The following ZNF800 variants were observed in gnomAD, a reference collection of about 807,000 sequenced individuals.
ZNF800 encodes zinc finger protein 800.
In ZNF800, 13 loss-of-function variants were observed where a neutral mutation model predicts 59.5. The observed-to-expected ratio is 0.22, with a 90% CI of 0.14 to 0.35. ZNF800 has a LOEUF of 0.35. Among genes scored for constraint, ZNF800 ranks in the 10% least tolerant of loss-of-function variants. The pLI, the probability that ZNF800 is intolerant of heterozygous loss-of-function variation, is 1.00. For missense variants in ZNF800, 621 were observed against 783.7 expected (o/e 0.79, Z 2.48); for synonymous variants, 266 against 265.7 (o/e 1.00, Z -0.01).
At position 127,386,118 on chromosome 7, in the gene ZNF800, C is replaced by A; in HGVS notation, c.99G>T (p.Gln33His). ...ILEPGDPPLL[Q>H]QPLQTSKSGI... is the part of the protein sequence containing the mutation. The stretch of plus-strand genomic sequence containing the variant: ...CAGATTTGGATGTCTGTAGTGGTTG[C>A]TGTAACAAAGGAGGATCTCCAGGTT... The change falls in exon 3 of 6, where the codon CAG (glutamine) becomes CAT (histidine). Residue 33 changes from glutamine (Q) to histidine (H), a missense_variant. Physicochemically the swap from Gln to His is conservative, Grantham distance 24. This residue lies in a region of ZNF800 where 57 missense variants were observed against 77.1 expected (regional missense o/e 0.74). Coordinates refer to ENST00000265827, the MANE Select transcript of ZNF800 (RefSeq NM_176814.5). The A allele has an allele frequency of 6.2e-7, 1 of 1,611,334 alleles. No individual in the cohort carries two copies. Among genetic ancestry groups the A allele is most frequent in the Non-Finnish European group, 8.5e-7 (1 of 1,178,370 alleles).
chr7:127,376,956 C>T (rs536246049), intron 4 of ZNF800, among the ~76,000 whole-genome samples: 246 of 152,064 alleles, frequency 1.6e-3, no homozygotes, highest in Admixed American at 2.9e-3. Flanking sequence ...TATATGTCAT[C>T]TTTAGGAAAA....
At chr7:127,365,949 C>G (rs956116449), downstream of ZNF800, among the ~76,000 whole-genome samples, 2 of 152,116 alleles carry the variant, frequency 1.3e-5, no homozygotes, top group African/African-American at 4.8e-5. Context: ...TGAGCTCTTC[C>G]CTGAGCCAGG....
chr7:127,366,691 T>A (rs1269866754), downstream of ZNF800, among the ~76,000 whole-genome samples: 2 of 152,146 alleles, frequency 1.3e-5, no homozygotes, highest in Admixed American at 6.6e-5. Flanking sequence ...ATTTTAGGAC[T>A]ATGGTCTTTT....
intron 1 of ZNF800, among the ~76,000 whole-genome samples, chr7:127,358,459 A>G (rs1408975801): frequency 1.3e-5 from 2 of 151,922 alleles, no homozygotes; most frequent in African/African-American, 2.4e-5. Context: ...CTCCACTCCA[A>G]TTCAGTCCCC....
Position 127,373,722 on chromosome 7 carries a change from T to C in ZNF800, c.1614A>G (p.Ile538Met), listed in dbSNP as rs1316746606. The C allele has an allele frequency of 1.2e-6, 2 of 1,614,192 alleles. No homozygotes were observed. Among genetic ancestry groups the C allele is most frequent in the South Asian group, 1.1e-5 (1 of 91,086 alleles). Residue 538 changes from isoleucine to methionine, a missense_variant, in exon 5 of 6, where the codon ATA (isoleucine) becomes ATG (methionine). Physicochemically the swap from Ile to Met is conservative, Grantham distance 10 (BLOSUM62 1). This residue lies in a region of ZNF800 where 46 missense variants were observed against 118.4 expected (regional missense o/e 0.39). Coordinates refer to ENST00000265827, the MANE Select transcript of ZNF800 (RefSeq NM_176814.5). ...TRRKRDVIRH[I>M]TVVHKKSSRY... ...GAGATGACTTTTTATGAACCACAGTTATATGTCGTATCACATCACGTTTCC... is the reference window on the plus strand; with the variant it reads ...GAGATGACTTTTTATGAACCACAGTCATATGTCGTATCACATCACGTTTCC...
chr7:127,369,339 T>A (rs528544559), downstream of ZNF800, among the ~76,000 whole-genome samples: 2 of 152,242 alleles, frequency 1.3e-5, no homozygotes, highest in Admixed American at 1.3e-4. Flanking sequence ...TTGTGTGCTG[T>A]AATCCTCACT....
Position 127,373,396 on chromosome 7 carries a change from G to A in ZNF800, c.1940C>T (p.Ser647Leu), listed in dbSNP as rs1049805866. The change falls in exon 5 of 6, where the codon TCA becomes TTA. Residue 647 changes from serine (S) to leucine (L), a missense_variant. By Grantham distance (145) the Ser-to-Leu change is moderately radical. Coordinates refer to ENST00000265827, the MANE Select transcript of ZNF800 (RefSeq NM_176814.5). ...KKTHKANASNSPEGNKTKGRS... is the reference protein window; with the variant it reads ...KKTHKANASNLPEGNKTKGRS... ...GCCTTTGGTTTTGTTTCCTTCAGGT[G>A]AATTGGAAGCATTTGCCTTATGAGT... 1 of 1,612,806 alleles carries A rather than the reference G, an allele frequency of 6.2e-7. No individual in the cohort carries two copies. Among genetic ancestry groups the A allele is most frequent in the Non-Finnish European group, 8.5e-7 (1 of 1,179,372 alleles).
In ZNF800 at chr7:127,374,806, T is replaced by G; in HGVS notation, c.530A>C (p.Gln177Pro). The change falls in exon 5 of 6, where the codon CAG becomes CCG. Residue 177 changes from glutamine to proline, a missense_variant. Physicochemically the swap from Gln to Pro is moderately conservative, Grantham distance 76. Transcript: ENST00000265827. ...ATCTGTAACCGGTACTGTTTTTGAC[T>G]GTTCAGTGCTAGTTTCCTGTATCTG... ...EVQIQETSTE[Q>P]SKTVPVTDTE... is the part of the protein sequence containing the mutation. The G allele has an allele frequency of 6.2e-7, 1 of 1,613,218 alleles. No homozygotes were observed. The highest frequency in any genetic ancestry group is 8.5e-7 in the Non-Finnish European group (1 of 1,179,620).
Position 127,373,387 on chromosome 7 carries a change from C to A in ZNF800, c.1949G>T (p.Gly650Val). The A allele has an allele frequency of 6.2e-7, 1 of 1,611,302 alleles. No individual in the cohort carries two copies. The highest frequency in any genetic ancestry group is 8.5e-7 in the Non-Finnish European group (1 of 1,178,502). The change falls in exon 5 of 6, where the codon GGA becomes GTA. Residue 650 changes from glycine to valine, a missense_variant. Around this residue, in one of 7 missense-constraint regions of ZNF800, gnomAD observed 94 missense variants for 108.5 expected, o/e 0.87. Coordinates refer to ENST00000265827, the MANE Select transcript of ZNF800 (RefSeq NM_176814.5). The part of the protein sequence containing the change: ...HKANASNSPE[G>V]NKTKGRSTRS... Reference sequence around the variant, plus strand: ...TGTACTTCGGCCTTTGGTTTTGTTTCCTTCAGGTGAATTGGAAGCATTTGC... The same window carrying A: ...TGTACTTCGGCCTTTGGTTTTGTTTACTTCAGGTGAATTGGAAGCATTTGC...
intron 1 of ZNF800, chr7:127,349,909 C>T (rs1800139256): frequency 1.3e-5 from 2 of 152,202 alleles, no homozygotes; most frequent in African/African-American, 4.8e-5. Flanking sequence ...TTTAACTCAA[C>T]ATTTTTGGAG....
chr7:127,347,161 G>A (rs1562893355), exon 2 of ZNF800: 1 of 152,244 alleles, frequency 6.6e-6, no homozygotes, highest in South Asian at 2.1e-4. Flanking sequence ...TTCTAATGAT[G>A]ACATGGTCTA....
At chr7:127,382,345 T>A (rs1328191839) in intron 3 of ZNF800, among the ~76,000 whole-genome samples, 1 of 152,170 alleles carries the variant, frequency 6.6e-6, no homozygotes, top group Non-Finnish European at 1.5e-5. Context: ...ACCAATTTAA[T>A]AAACACATAA....
At chr7:127,354,548 C>T (rs1800231849) in intron 1 of ZNF800, among the ~76,000 whole-genome samples, 1 of 151,980 alleles carries the variant, frequency 6.6e-6, no homozygotes, top group Admixed American at 6.5e-5. Flanking sequence ...ATGTATACAT[C>T]TCCTTGATTG....
intron 3 of ZNF800, among the ~76,000 whole-genome samples, chr7:127,381,978 A>G (rs1365111921): frequency 1.3e-5 from 2 of 152,074 alleles, no homozygotes; most frequent in Admixed American, 6.5e-5. Context: ...TAGAAAGATA[A>G]TGACAGCAAA....
downstream of ZNF800, among the ~76,000 whole-genome samples, chr7:127,365,493 A>G (rs557471822): frequency 2.6e-5 from 4 of 152,210 alleles, no homozygotes; most frequent in East Asian, 5.8e-4. Flanking sequence ...CAAAGAAAAG[A>G]CAATTCTTGC....
rs112815342 is a variant in ZNF800, at chr7:127,377,709, A to T, written c.158-380T>A. Among the ~76,000 whole-genome samples, 288 of 152,190 alleles carry T rather than the reference A, an allele frequency of 1.9e-3. 1 individual carries two copies. The highest frequency in any genetic ancestry group is 6.3e-3 in the African/African-American group (260 of 41,552). On this transcript the variant is annotated intron_variant, in intron 3 of 5. Transcript: ENST00000265827. This position sits in a 1 kb window ranked among gnomAD's most constrained non-coding sequence, Gnocchi z 4.7. ...ATTTGGAGTAGGACAGAAAAATTAA[A>T]TGTTCCCCCATTATTCCCTGGCAAA...
At chr7:127,347,747 CAG>C (rs935516433) in exon 2 of ZNF800, 2 of 152,182 alleles carry the variant, frequency 1.3e-5, no homozygotes, top group African/African-American at 4.8e-5. Flanking sequence ...GCAGAGGACT[CAG>C]GGGTCTGCGG....
intron 1 of ZNF800, chr7:127,361,424 T>C (rs1310151977): frequency 1.3e-5 from 2 of 151,624 alleles, no homozygotes; most frequent in East Asian, 3.9e-4. Flanking sequence ...AGAAAATAAA[T>C]AATAAAAATT....
intron 1 of ZNF800, among the ~76,000 whole-genome samples, chr7:127,356,614 A>C (rs1333716056): frequency 6.6e-6 from 1 of 151,836 alleles, no homozygotes; most frequent in African/African-American, 2.4e-5. Flanking sequence ...AACAGGTAAA[A>C]GTTTATGGTT....
Sources: allele counts gnomAD v4.1 joint callset (sites outside exome capture counted in the v4.1 genomes callset), GRCh38; gene constraint gnomAD v4.1.1; regional missense constraint gnomAD v4.1.1; non-coding constraint Gnocchi (gnomAD v3.1); transcripts MANE v1.5; gene names NCBI Gene and HGNC (gene_info 2026-07-23, HGNC 2026-07-21).